SGCZ: variants seen among roughly 807,000 people sequenced by gnomAD.
SGCZ encodes zeta-sarcoglycan.
A neutral mutation model predicts 41.3 loss-of-function variants in SGCZ; 40 were observed. The ratio of observed to expected loss-of-function variants is 0.97; its 90% confidence interval spans 0.75 to 1.26. SGCZ has a LOEUF of 1.26. Ranked by LOEUF, SGCZ falls within the 50% of genes most tolerant of loss-of-function variation. The probability of loss-of-function intolerance (pLI) is 0.00; values close to 1 mark genes in which losing one functional copy is unlikely to be tolerated. For synonymous variants in SGCZ, 206 were observed against 137.5 expected (o/e 1.50, Z -3.49); for missense variants, 552 against 369.8 (o/e 1.49, Z -4.04).
At chr8:14,376,560 C>A (rs1804138648) in intron 2 of SGCZ, among the ~76,000 whole-genome samples, 1 of 151,938 alleles carries the variant, frequency 6.6e-6, no homozygotes, top group South Asian at 2.1e-4. Context: ...TAATCAGACC[C>A]AGATGGTTTT....
intron 5 of SGCZ, among the ~76,000 whole-genome samples, chr8:14,137,283 C>G (rs116256525): frequency 6.6e-6 from 1 of 152,234 alleles, no homozygotes; most frequent in Non-Finnish European, 1.5e-5. Flanking sequence ...CTCCAAAGAT[C>G]GCAGCTCCTC....
At chr8:14,868,545 A>C (rs745428592) in intron 1 of SGCZ, among the ~76,000 whole-genome samples, 1 of 152,148 alleles carries the variant, frequency 6.6e-6, no homozygotes, top group Non-Finnish European at 1.5e-5. Flanking sequence ...GAATGACTGA[A>C]TCGAGTAATT....
At chr8:14,958,146 ATTTTTTCTTTTTC>A (rs968522287) in intron 1 of SGCZ, among the ~76,000 whole-genome samples, 1 of 151,912 alleles carries the variant, frequency 6.6e-6, no homozygotes, top group Non-Finnish European at 1.5e-5. Flanking sequence ...TTTATTTGAA[ATTTTTTCTTTTTC>A]TTTTTTCTTT....
Position 14,859,996 on chromosome 8 carries a change from C to A in SGCZ, c.40-305070G>T, listed in dbSNP as rs1471713924. On this transcript the variant is annotated intron_variant, in intron 1 of 7. Transcript: ENST00000382080. ...AAAGTCAAATTATGTGCTAGGAAAG[C>A]AAAAGTAAAAGATAAGGAAAGAATT... Among the ~76,000 whole-genome samples, 6 of 152,142 alleles carry A rather than the reference C, an allele frequency of 3.9e-5. No homozygotes were observed. In the East Asian group the frequency reaches 7.7e-4, roughly 20 times the overall value.
chr8:14,625,431 A>G (rs1024535575), intron 1 of SGCZ, among the ~76,000 whole-genome samples: 2 of 152,204 alleles, frequency 1.3e-5, no homozygotes, highest in South Asian at 4.1e-4. Context: ...TATATATTTT[A>G]TGATACATTG....
In SGCZ at chr8:15,093,498, A is replaced by G. The variant is rs7838267; in HGVS notation, c.39+144087T>C. ...AATCAGCATAACAGTTGCTTAGAAA[A>G]GGGTCTCATTGTTTTTATTTTTTTC... On this transcript the variant is annotated intron_variant, in intron 1 of 7. Transcript: ENST00000382080. Among the ~76,000 whole-genome samples the G allele has an allele frequency of 9.2e-5, 14 of 152,020 alleles. 1 individual carries two copies. The highest frequency in any genetic ancestry group is 9.2e-4 in the Admixed American group (14 of 15,258).
In SGCZ at chr8:14,927,102, C is replaced by CTTTTTTTTTTTTTTTTTTTTTTTTTTTT. The variant is rs71209091; in HGVS notation, c.39+310482_39+310483insAAAAAAAAAAAAAAAAAAAAAAAAAAAA. ...TATCAAAGTATCAAAGTTCCTGATT[C>CTTTTTTTTTTTTTTTTTTTTTTTTTTTT]TTTTTTTTTTTTTTTTTTTTTTGTG... On this transcript the variant is annotated intron_variant, in intron 1 of 7. Transcript: ENST00000382080. 2.4e-5 allele frequency among the ~76,000 whole-genome samples: 2 copies of CTTTTTTTTTTTTTTTTTTTTTTTTTTTT among 82,684 alleles called. 1 individual carries two copies. 54.2% of individuals were successfully genotyped at this position (82,684 alleles called of 152,430 possible).
At chr8:14,476,518 G>C (rs1222766768) in intron 2 of SGCZ, among the ~76,000 whole-genome samples, 2 of 152,018 alleles carry the variant, frequency 1.3e-5, no homozygotes, top group African/African-American at 4.8e-5. Flanking sequence ...TAGTGAGCTA[G>C]TAATTTTAAA....
At chr8:14,516,996 C>A (rs919576939) in intron 2 of SGCZ, among the ~76,000 whole-genome samples, 9 of 151,948 alleles carry the variant, frequency 5.9e-5, no homozygotes. Context: ...AGGGTGGAGC[C>A]AGGAACCAGG....
chr8:14,377,943 G>A (rs933559830), intron 2 of SGCZ, among the ~76,000 whole-genome samples: 3 of 150,506 alleles, frequency 2.0e-5, no homozygotes, highest in African/African-American at 7.5e-5. Flanking sequence ...TGGACATTAG[G>A]CTTGGTTCCA....
rs1807615577 is a variant in SGCZ at position 15,124,758 on chromosome 8, A to G, written c.39+112827T>C. 2.6e-5 allele frequency among the ~76,000 whole-genome samples: 4 copies of G among 152,362 alleles called. 1 individual carries two copies. The highest frequency in any genetic ancestry group is 4.1e-4 in the South Asian group (2 of 4,832). On this transcript the variant is annotated intron_variant, in intron 1 of 7. Coordinates refer to ENST00000382080, the MANE Select transcript of SGCZ (RefSeq NM_139167.4). ...TGGCAAGAAATGCCAAAGGGGGAAC[A>G]TAAGATCAAACAACGTGATTGCATT...
intron 4 of SGCZ, among the ~76,000 whole-genome samples, chr8:14,231,249 G>GAC (rs1296482657): frequency 4.7e-5 from 7 of 149,340 alleles, no homozygotes; most frequent in Admixed American, 4.1e-4. Context: ...GAGAGAGAGA[G>GAC]ACACAGAGAG....
intron 1 of SGCZ, among the ~76,000 whole-genome samples, chr8:14,681,629 A>C (rs1808448872): frequency 6.6e-6 from 1 of 152,184 alleles, no homozygotes; most frequent in African/African-American, 2.4e-5. Context: ...ACATACGCAT[A>C]ATCCTAAAAT....
intron 2 of SGCZ, among the ~76,000 whole-genome samples, chr8:14,538,266 A>G (rs1803356778): frequency 6.6e-6 from 1 of 151,942 alleles, no homozygotes; most frequent in Non-Finnish European, 1.5e-5. Context: ...AACCCTTAAA[A>G]TGGATTTTTT....
At chr8:14,346,622 A>T (rs1472995734) in intron 2 of SGCZ, among the ~76,000 whole-genome samples, 2 of 152,226 alleles carry the variant, frequency 1.3e-5, no homozygotes, top group East Asian at 3.9e-4. Flanking sequence ...ATCTTATCAC[A>T]AAATAAAATA....
intron 4 of SGCZ, among the ~76,000 whole-genome samples, chr8:14,222,217 C>T (rs1299144341): frequency 1.3e-5 from 2 of 152,162 alleles, no homozygotes; most frequent in East Asian, 1.9e-4. Flanking sequence ...GTTGCTCAGG[C>T]TGGAGTGCAG....
chr8:14,135,494 T>C lies in SGCZ; in HGVS notation c.548-27259A>G, dbSNP rs139164376. On this transcript the variant is annotated intron_variant, in intron 5 of 7. Coordinates refer to ENST00000382080, the MANE Select transcript of SGCZ (RefSeq NM_139167.4). ...TCTCCCAGATGAGTGAATGACTATC[T>C]TGAGTAGTCATGGGCATAGATGGGT... Among the ~76,000 whole-genome samples, 985 of 152,264 alleles carry C rather than the reference T, an allele frequency of 6.5e-3. 6 individuals carry two copies. Among genetic ancestry groups the C allele is most frequent in the African/African-American group, 0.023 (937 of 41,556 alleles).
At chr8:14,477,167 C>T (rs1016754193) in intron 2 of SGCZ, among the ~76,000 whole-genome samples, 10 of 152,072 alleles carry the variant, frequency 6.6e-5, no homozygotes, top group Admixed American at 1.3e-4. Flanking sequence ...AGATTATAAA[C>T]ATCAATATTT....
intron 1 of SGCZ, among the ~76,000 whole-genome samples, chr8:15,053,443 C>T: frequency 6.6e-6 from 1 of 152,110 alleles, no homozygotes; most frequent in South Asian, 2.1e-4. Flanking sequence ...CAGGTCTGTT[C>T]CATGTTACCT....
Sources: gnomAD v4.1 joint callset for allele counts (sites outside exome capture counted in the v4.1 genomes callset) on GRCh38, gnomAD v4.1.1 for gene constraint, MANE v1.5 for transcripts, NCBI Gene and HGNC (gene_info 2026-07-23, HGNC 2026-07-21) for gene names.